The following NEXMIF variants were observed in gnomAD, a reference collection of about 807,000 sequenced individuals.
NEXMIF encodes the protein neurite extension and migration factor, also known as XLMR protein related to neurite extension.
A neutral mutation model predicts 62.1 loss-of-function variants in NEXMIF; 8 were observed. That is an observed-to-expected ratio of 0.13 (90% CI 0.08 to 0.23). The LOEUF (loss-of-function observed/expected upper bound fraction) is 0.23, where lower values mean the gene tolerates loss of function less well. Among genes scored for constraint, NEXMIF ranks in the 10% least tolerant of loss-of-function variants. The probability of loss-of-function intolerance (pLI) is 1.00; values close to 1 mark genes in which losing one functional copy is unlikely to be tolerated. For synonymous variants in NEXMIF, 404 were observed against 416.6 expected (o/e 0.97, Z 0.37); for missense variants, 976 against 1,113.3 (o/e 0.88, Z 1.75).
chrX:74,827,621 G>T (rs1214863679), intron 1 of NEXMIF, among the ~76,000 whole-genome samples: 1 of 112,139 alleles, frequency 8.9e-6, no homozygotes, highest in Non-Finnish European at 1.9e-5. Flanking sequence ...GCAGTAATAT[G>T]CTGGTAAATG....
intron 1 of NEXMIF, among the ~76,000 whole-genome samples, chrX:74,819,132 T>C (rs1322595160): frequency 8.9e-6 from 1 of 112,165 alleles, no homozygotes; most frequent in Admixed American, 9.5e-5. Flanking sequence ...GCTAGCCGTA[T>C]GTAGAAAGCT....
chrX:74,862,019 C>A (rs1602254539), intron 1 of NEXMIF, among the ~76,000 whole-genome samples: 1 of 111,481 alleles, frequency 9.0e-6, no homozygotes, highest in Admixed American at 9.6e-5. Flanking sequence ...TGTAAATGGA[C>A]TAATGCCCAA....
chrX:74,800,290 C>G (rs1281866471), intron 1 of NEXMIF, among the ~76,000 whole-genome samples: 1 of 111,426 alleles, frequency 9.0e-6, no homozygotes, highest in Non-Finnish European at 1.9e-5. Flanking sequence ...CCTGAGTAAT[C>G]TGAGTCTAAG....
At chrX:74,774,975 C>T (rs755881683) in intron 1 of NEXMIF, among the ~76,000 whole-genome samples, 12 of 111,807 alleles carry the variant, frequency 1.1e-4, no homozygotes, top group African/African-American at 3.9e-4. Flanking sequence ...GTGCCTAGAT[C>T]AAATGAGTCC....
intron 1 of NEXMIF, among the ~76,000 whole-genome samples, chrX:74,789,632 A>G (rs1210670965): frequency 9.1e-6 from 1 of 110,463 alleles, no homozygotes; most frequent in Non-Finnish European, 1.9e-5. Context: ...CCTCTCCAGC[A>G]CCTGTTGTTT....
chrX:74,787,176 G>A (rs991737268), intron 1 of NEXMIF, among the ~76,000 whole-genome samples: 2 of 107,798 alleles, frequency 1.9e-5, no homozygotes, highest in African/African-American at 3.4e-5. Context: ...CCAGCTACTC[G>A]GGAGGCTGAG....
At chrX:74,912,289 C>T (rs2080792966) in intron 1 of NEXMIF, among the ~76,000 whole-genome samples, 1 of 111,410 alleles carries the variant, frequency 9.0e-6, no homozygotes, top group Non-Finnish European at 1.9e-5. Context: ...ATCCTATAAA[C>T]TAAATGAATA....
intron 1 of NEXMIF, among the ~76,000 whole-genome samples, chrX:74,820,707 G>C (rs1464208071): frequency 8.9e-6 from 1 of 111,861 alleles, no homozygotes; most frequent in Non-Finnish European, 1.9e-5. Flanking sequence ...CAGCAACGTG[G>C]ATGCAGCTGG....
At chrX:74,792,149 C>T (rs1353596481) in intron 1 of NEXMIF, among the ~76,000 whole-genome samples, 6 of 110,192 alleles carry the variant, frequency 5.4e-5, no homozygotes, top group African/African-American at 1.3e-4. Context: ...GCTTTGAATG[C>T]GTCCCAGAGA....
chrX:74,917,692 G>A (rs2080812459), intron 1 of NEXMIF, among the ~76,000 whole-genome samples: 1 of 111,688 alleles, frequency 9.0e-6, no homozygotes, highest in Non-Finnish European at 1.9e-5. Context: ...CTAATGATTG[G>A]TGCTAGAAAG....
At chrX:74,884,379 G>C (rs1264046407) in intron 1 of NEXMIF, among the ~76,000 whole-genome samples, 1 of 111,626 alleles carries the variant, frequency 9.0e-6, no homozygotes, top group Non-Finnish European at 1.9e-5. Flanking sequence ...AGACCCATCA[G>C]TGTGCTGTAT....
At position 74,915,473 on chromosome X, in the gene NEXMIF, G is replaced by A. The variant is rs193131428; in HGVS notation, c.-48+9410C>T. 2.8e-3 allele frequency among the ~76,000 whole-genome samples: 312 copies of A among 111,607 alleles called. 1 individual carries two copies. Among genetic ancestry groups the A allele is most frequent in the African/African-American group, 9.7e-3 (298 of 30,711 alleles). ...ACAAAAAAGTCAAGTCACTGTGGTA[G>A]GCAGAATAAAGGCCTTCAAAGATGT... On this transcript the variant is annotated intron_variant, in intron 1 of 3. Transcript: ENST00000055682.
intron 1 of NEXMIF, among the ~76,000 whole-genome samples, chrX:74,866,452 CTT>C (rs199698048): frequency 0.01 from 1,170 of 111,885 alleles, 17 homozygotes; most frequent in African/African-American, 0.035. Context: ...TCAGATGAGA[CTT>C]TGGACTGTGA....
At chrX:74,873,398 T>C (rs145843165) in intron 1 of NEXMIF, among the ~76,000 whole-genome samples, 9,359 of 111,673 alleles carry the variant, frequency 0.084, 342 homozygotes, top group Admixed American at 0.13. Flanking sequence ...CATTGTTGGA[T>C]GTTTGGGTTG....
At chrX:74,847,197 G>A (rs775700498) in intron 1 of NEXMIF, among the ~76,000 whole-genome samples, 5 of 112,173 alleles carry the variant, frequency 4.5e-5, no homozygotes, top group African/African-American at 6.5e-5. Flanking sequence ...ATAAGTCTGG[G>A]TTTTCAGTTC....
rs1353904791 is a variant in NEXMIF, at chrX:74,887,717, A to T, written c.-48+37166T>A. Reference sequence around the variant, plus strand: ...GTTGGTGGGACTGTAAACTAGTTCAACCATTGTGGAAGTCGGTGTGGTGAT... The same window carrying T: ...GTTGGTGGGACTGTAAACTAGTTCATCCATTGTGGAAGTCGGTGTGGTGAT... On this transcript the variant is annotated intron_variant, in intron 1 of 3. Coordinates refer to ENST00000055682, the MANE Select transcript of NEXMIF (RefSeq NM_001008537.3). 8.4e-4 allele frequency among the ~76,000 whole-genome samples: 94 copies of T among 111,882 alleles called. 1 individual carries two copies. The highest frequency in any genetic ancestry group is 2.6e-3 in the African/African-American group (79 of 30,787).
intron 1 of NEXMIF, among the ~76,000 whole-genome samples, chrX:74,919,355 A>T (rs1372611285): frequency 9.0e-6 from 1 of 111,539 alleles, no homozygotes; most frequent in African/African-American, 3.3e-5. Context: ...GAGCTGGGTT[A>T]GGGGACTATA....
At chrX:74,794,894 T>C (rs1441171391) in intron 1 of NEXMIF, among the ~76,000 whole-genome samples, 1 of 111,875 alleles carries the variant, frequency 8.9e-6, no homozygotes, top group Non-Finnish European at 1.9e-5. Context: ...CCTAGTGAGA[T>C]GAACCTGGTA....
chrX:74,799,292 A>G (rs1388612809), intron 1 of NEXMIF, among the ~76,000 whole-genome samples: 1 of 111,611 alleles, frequency 9.0e-6, no homozygotes, highest in Non-Finnish European at 1.9e-5. Context: ...AGGCCTCAAT[A>G]AAGACCTGGT....
Sources: gnomAD v4.1 joint callset for allele counts (sites outside exome capture counted in the v4.1 genomes callset) on GRCh38, gnomAD v4.1.1 for gene constraint, MANE v1.5 for transcripts, NCBI Gene and HGNC (gene_info 2026-07-23, HGNC 2026-07-21) for gene names.